The following ZNF577 variants were observed in gnomAD, a reference collection of about 807,000 sequenced individuals.
The protein encoded by ZNF577 is zinc finger protein 577.
Under a neutral mutation model 13.9 loss-of-function variants are expected in ZNF577, and 14 were observed. The ratio of observed to expected loss-of-function variants is 1.00; its 90% CI spans 0.66 to 1.57. The LOEUF (loss-of-function observed/expected upper bound fraction) is 1.57, where lower values mean the gene tolerates loss of function less well. Among genes scored for constraint, ZNF577 ranks in the 40% most tolerant of loss-of-function variants. ZNF577 has a pLI of 0.00. For missense variants in ZNF577, 555 were observed against 579.2 expected (o/e 0.96, Z 0.43); for synonymous variants, 203 against 202.9 (o/e 1.00, Z 0.00).
chr19:51,846,357 CTA>C (rs1486320240), intron 5 of ZNF577, among the ~76,000 whole-genome samples: 10 of 152,008 alleles, frequency 6.6e-5, no homozygotes, highest in African/African-American at 2.4e-4. Context: ...TGGAAGGTAA[CTA>C]GGGTTAGATG....
chr19:51,877,352 C>T lies in ZNF577; in HGVS notation c.213G>A (p.Ser71=), dbSNP rs772539977. 121 of 1,614,040 alleles carry T rather than the reference C, an allele frequency of 7.5e-5. No homozygotes were observed. The highest frequency in any genetic ancestry group is 9.7e-5 in the Non-Finnish European group (114 of 1,179,968). Residue 71 remains serine, a synonymous_variant, in exon 5 of 6, where the codon TCG becomes TCA. Coordinates refer to ENST00000638348, the MANE Select transcript of ZNF577 (RefSeq NM_001370449.1). ...SIGYRGTKPD[S]LFKLEQGEPP... ...GTTCTCCTTGCTCCAACTTGAAGAG[C>T]GAATCTGGCTTGGTGCCTCGATACC...
At chr19:51,818,058 T>G (rs55899451) in intron 9 of ZNF577, among the ~76,000 whole-genome samples, 57,502 of 151,448 alleles carry the variant, frequency 0.38, 11,200 homozygotes, top group South Asian at 0.52. Context: ...CACGTCCTTT[T>G]TAGGGACATG....
chr19:51,866,676 T>C (rs1270774521), downstream of ZNF577, among the ~76,000 whole-genome samples: 1 of 152,310 alleles, frequency 6.6e-6, no homozygotes, highest in East Asian at 1.9e-4. Flanking sequence ...TAATACATTA[T>C]TGACACCAGA....
chr19:51,823,497 C>T (rs888426091), intron 9 of ZNF577, among the ~76,000 whole-genome samples: 2 of 152,108 alleles, frequency 1.3e-5, no homozygotes, highest in African/African-American at 4.8e-5. Flanking sequence ...GTGGACAGAG[C>T]CCTTTAATCC....
chr19:51,825,307 G>C (rs955952929), intron 9 of ZNF577: 5 of 169,310 alleles, frequency 3.0e-5, no homozygotes, highest in African/African-American at 1.2e-4. Flanking sequence ...CGCCCTCCCT[G>C]AGTGCATCAC....
At chr19:51,830,540 G>C (rs1372180953) in intron 9 of ZNF577, among the ~76,000 whole-genome samples, 1 of 152,170 alleles carries the variant, frequency 6.6e-6, no homozygotes, top group African/African-American at 2.4e-5. Flanking sequence ...TCAGACATTT[G>C]GTGCTTGCCT....
At chr19:51,848,388 T>TATACCCAAAGGAA (rs1385993126) in intron 5 of ZNF577, among the ~76,000 whole-genome samples, 4 of 152,182 alleles carry the variant, frequency 2.6e-5, no homozygotes, top group African/African-American at 9.7e-5. Context: ...ACGCTGGGAA[T>TATACCCAAAGGAA]ATACCCAAAG....
Position 51,860,890 on chromosome 19 carries a change from ATTT to A in ZNF577, c.284-15962_284-15960del, listed in dbSNP as rs1234711332. 1.0e-5 allele frequency: 4 copies of A among 395,068 alleles called. No homozygotes were observed. The Admixed American group carries it at 1.5e-4, about 15-fold the overall frequency. The allele number at this position is 395,068 out of a possible 1,614,324, so 24.5% of individuals were successfully genotyped here. A position where few individuals can be genotyped will look rare whatever the true frequency, so the allele number is the denominator to read the frequency against. ...ATATTCAAAGAGTTTTGACTTTCAG[ATTT>A]TAATTTTTACCTGCAATGAGGTGTG... On this transcript the variant is annotated intron_variant and NMD_transcript_variant, in intron 5 of 10. Coordinates refer to the ZNF577 transcript ENST00000638827.
At chr19:51,823,733 T>C (rs1177269382) in intron 9 of ZNF577, 1 of 1,557,398 alleles carries the variant, frequency 6.4e-7, no homozygotes, top group Non-Finnish European at 8.7e-7. Flanking sequence ...TGCTGAAATG[T>C]TTCAGGTGTG....
chr19:51,808,169 A>G (rs1349008082), intron 10 of ZNF577, among the ~76,000 whole-genome samples: 1 of 152,222 alleles, frequency 6.6e-6, no homozygotes, highest in African/African-American at 2.4e-5. Context: ...TTTGGTAAAT[A>G]TGTGTAAGTT....
At chr19:51,828,814 T>A (rs1019041388) in intron 9 of ZNF577, among the ~76,000 whole-genome samples, 1 of 152,200 alleles carries the variant, frequency 6.6e-6, no homozygotes, top group South Asian at 2.1e-4. Flanking sequence ...ACTGCTGTTG[T>A]CAGGTGTTGC....
At chr19:51,864,140 G>A (rs1027361460), downstream of ZNF577, among the ~76,000 whole-genome samples, 3 of 152,122 alleles carry the variant, frequency 2.0e-5, no homozygotes, top group Non-Finnish European at 4.4e-5. Flanking sequence ...ATTATGGCAT[G>A]AATATTTTTA....
At chr19:51,805,574 T>C (rs1425937937) in intron 10 of ZNF577, among the ~76,000 whole-genome samples, 1 of 152,208 alleles carries the variant, frequency 6.6e-6, no homozygotes, top group Admixed American at 6.5e-5. Context: ...GACAGCGCAA[T>C]TGCCGCTGCA....
chr19:51,840,078 T>C (rs1017494362), exon 9 of ZNF577: 1 of 152,202 alleles, frequency 6.6e-6, no homozygotes, highest in Non-Finnish European at 1.5e-5. Context: ...TTCTTACAGA[T>C]AGCGAGATGG....
At chr19:51,812,716 C>G (rs1018165070) in intron 9 of ZNF577, among the ~76,000 whole-genome samples, 16 of 152,174 alleles carry the variant, frequency 1.1e-4, no homozygotes, top group African/African-American at 3.4e-4. Context: ...ACATTGAGGA[C>G]AACCTCCTCT....
intron 5 of ZNF577, among the ~76,000 whole-genome samples, chr19:51,856,467 T>C (rs2084421655): frequency 6.6e-6 from 1 of 152,212 alleles, no homozygotes; most frequent in Non-Finnish European, 1.5e-5. Flanking sequence ...ATCAGGATAA[T>C]GCTAACAGAC....
At chr19:51,808,791 C>T (rs920057320) in intron 10 of ZNF577, among the ~76,000 whole-genome samples, 12 of 152,132 alleles carry the variant, frequency 7.9e-5, no homozygotes, top group African/African-American at 2.4e-4. Context: ...ATGTAGTAGT[C>T]GCCATCTTCC....
At position 51,869,909 on chromosome 19, in the gene ZNF577, TCA is replaced by T. The variant is rs774698627; in HGVS notation, c.*2621_*2622del. Among the ~76,000 whole-genome samples the T allele has an allele frequency of 5.3e-5, 8 of 152,110 alleles. No individual in the cohort carries two copies. Among genetic ancestry groups the T allele is most frequent in the Non-Finnish European group, 1.0e-4 (7 of 68,012 alleles). ...AGCTCAGCAGCCCTGTTCAAAAGCC[TCA>T]GTTCCCAGAGAAGGCAAAGAGGGGC... On this transcript the variant is annotated 3_prime_UTR_variant, in exon 6 of 6. Transcript: ENST00000638348.
At chr19:51,810,662 T>C (rs748247577) in intron 10 of ZNF577, among the ~76,000 whole-genome samples, 4 of 152,188 alleles carry the variant, frequency 2.6e-5, no homozygotes, top group Admixed American at 1.3e-4. Context: ...CCATGTCAGA[T>C]ATGCACTAGT....
Sources: gnomAD v4.1 joint callset for allele counts (sites outside exome capture counted in the v4.1 genomes callset) on GRCh38, gnomAD v4.1.1 for gene constraint, MANE v1.5 for transcripts, NCBI Gene and HGNC (gene_info 2026-07-23, HGNC 2026-07-21) for gene names.